RAB36: variants seen among roughly 807,000 people sequenced by gnomAD.
RAB36 encodes the protein RAB36, member RAS oncogene family.
Under a neutral mutation model 39.3 loss-of-function variants are expected in RAB36, and 33 were observed. The ratio of observed to expected loss-of-function variants is 0.84; its 90% CI spans 0.64 to 1.12. RAB36 has a LOEUF of 1.12. RAB36 is among the 50% of genes most tolerant of loss of function. The pLI, the probability that RAB36 is intolerant of heterozygous loss-of-function variation, is 0.00. For missense variants in RAB36, 308 were observed against 355.3 expected (o/e 0.87, Z 1.07); for synonymous variants, 133 against 140.2 (o/e 0.95, Z 0.36).
Position 23,162,748 on chromosome 22 carries a change from C to G in RAB36, c.*1184C>G, listed in dbSNP as rs1334509820. ...CTTCCCGTAGATGGCGAGCACCTTG[C>G]AGGCAGCCTTCTGATCAGTACTGCT... is the stretch of plus-strand genomic sequence containing the variant. On this transcript the variant is annotated 3_prime_UTR_variant, in exon 11 of 11. Coordinates refer to ENST00000263116, the MANE Select transcript of RAB36 (RefSeq NM_004914.5). The G allele has an allele frequency of 2.2e-6, 1 of 456,302 alleles. No individual in the cohort carries two copies. Among genetic ancestry groups the G allele is most frequent in the Admixed American group, 2.3e-5 (1 of 42,584 alleles). 28.3% of individuals were successfully genotyped at this position (456,302 alleles called of 1,614,324 possible).
rs1171135605 is a variant in RAB36, at chr22:23,162,282, A to T, written c.*718A>T. The T allele has an allele frequency of 1.7e-5, 4 of 240,204 alleles. No homozygotes were observed. Among genetic ancestry groups the T allele is most frequent in the Non-Finnish European group, 3.3e-5 (4 of 120,262 alleles). 14.9% of individuals were successfully genotyped at this position (240,204 alleles called of 1,614,324 possible). A position where few individuals can be genotyped will look rare whatever the true frequency, so the allele number is the denominator to read the frequency against. ...CTGGTCCGTGGGCCAGGATGTGCAG[A>T]ACAACCACTCAGGCCTTTCTGGCCC... On this transcript the variant is annotated 3_prime_UTR_variant, in exon 11 of 11. Transcript: ENST00000263116.
chr22:23,162,497 C>G lies in RAB36; in HGVS notation c.*933C>G, dbSNP rs1370596358. On this transcript the variant is annotated 3_prime_UTR_variant, in exon 11 of 11. Coordinates refer to ENST00000263116, the MANE Select transcript of RAB36 (RefSeq NM_004914.5). ...CTCTTAGGACCTTTGTAATGGTGTC[C>G]ATGCACCTTTAGAGGACTTCAGAGG... The G allele has an allele frequency of 5.1e-6, 2 of 395,206 alleles. No individual in the cohort carries two copies. Among genetic ancestry groups the G allele is most frequent in the Non-Finnish European group, 1.0e-5 (2 of 192,398 alleles). The allele number at this position is 395,206 out of a possible 1,614,324, so 24.5% of individuals were successfully genotyped here. A position where few individuals can be genotyped will look rare whatever the true frequency, so the allele number is the denominator to read the frequency against.
At chr22:23,146,423 G>A (rs1373936151) in intron 1 of RAB36, among the ~76,000 whole-genome samples, 182 bp from the exon 2 acceptor site, 1 of 151,840 alleles carries the variant, frequency 6.6e-6, no homozygotes, top group Admixed American at 6.6e-5. Context: ...TGTTGCCCAG[G>A]CTGGTCTCAA....
downstream of RAB36, among the ~76,000 whole-genome samples, chr22:23,167,529 T>A (rs2072071612): frequency 1.3e-5 from 2 of 152,050 alleles, no homozygotes; most frequent in Admixed American, 6.5e-5. Context: ...CGACTCACAT[T>A]TCAGCCTGGG....
In RAB36 at chr22:23,151,075, G is replaced by A. The variant is rs78140898; in HGVS notation, c.161+921G>A. Among the ~76,000 whole-genome samples the A allele has an allele frequency of 1.5e-3, 228 of 152,388 alleles. 4 individuals are homozygous for A. The highest frequency in any genetic ancestry group is 2.7e-3 in the Non-Finnish European group (183 of 68,038). On this transcript the variant is annotated intron_variant, in intron 3 of 10. Coordinates refer to ENST00000263116, the MANE Select transcript of RAB36 (RefSeq NM_004914.5). ...TCCTAAGGAGCTCATAGTCTGCTCA[G>A]GGAGTTGGCTGAGCTCACAGGGGTC...
At chr22:23,152,376 A>G in intron 3 of RAB36, 85 bp from the exon 4 acceptor site, 1 of 1,365,698 alleles carries the variant, frequency 7.3e-7, no homozygotes, top group Non-Finnish European at 1.0e-6. Context: ...TCACCAGCAG[A>G]GAGCTCAGGG....
chr22:23,145,848 G>C (rs2070740081), intron 1 of RAB36: 1 of 434,876 alleles, frequency 2.3e-6, no homozygotes, highest in Admixed American at 6.4e-5. Flanking sequence ...AGGGGCTGTT[G>C]AGGAGGCTCG....
At chr22:23,168,020 A>T (rs1022389782), downstream of RAB36, among the ~76,000 whole-genome samples, 5 of 150,072 alleles carry the variant, frequency 3.3e-5, no homozygotes, top group African/African-American at 4.9e-5. Context: ...CTAATTTTTA[A>T]TTTTTTTTTT....
intron 3 of RAB36, among the ~76,000 whole-genome samples, chr22:23,151,740 G>A (rs781042274): frequency 6.6e-6 from 1 of 152,172 alleles, no homozygotes; most frequent in Non-Finnish European, 1.5e-5. Flanking sequence ...TAAACAGTCC[G>A]AGAAACGCCT....
intron 1 of RAB36, 31 bp from the exon 2 acceptor site, chr22:23,146,574 T>C: frequency 1.9e-6 from 3 of 1,610,856 alleles, no homozygotes; most frequent in Non-Finnish European, 8.5e-7. Flanking sequence ...GCACAGCTCC[T>C]TAACTGTCTT....
intron 8 of RAB36, 77 bp from the exon 9 acceptor site, chr22:23,159,086 G>T (rs2071626441): frequency 6.3e-7 from 1 of 1,582,866 alleles, no homozygotes. Flanking sequence ...ACAGTGGGAA[G>T]CAGGCAGCTG....
At chr22:23,147,080 T>C (rs1285548483) in intron 2 of RAB36, among the ~76,000 whole-genome samples, 1 of 152,212 alleles carries the variant, frequency 6.6e-6, no homozygotes, top group Admixed American at 6.5e-5. Context: ...GCAGTCATAG[T>C]TGCTGTTGTT....
At chr22:23,152,985 C>T in intron 4 of RAB36, 48 bp from the exon 5 acceptor site, 2 of 1,334,936 alleles carry the variant, frequency 1.5e-6, no homozygotes, top group Non-Finnish European at 2.2e-6. Context: ...AGCTTCCGGG[C>T]ACATTTCTGT....
chr22:23,165,287 A>AACTT lies in RAB36; in HGVS notation c.*3726_*3729dup, dbSNP rs1382871176. On this transcript the variant is annotated 3_prime_UTR_variant, in exon 11 of 11. Coordinates refer to ENST00000263116, the MANE Select transcript of RAB36 (RefSeq NM_004914.5). ...CTCTGACCCAGATGCCACCACACGA[A>AACTT]ACTTACACCTGCCTGGGGAACAATC... Among the ~76,000 whole-genome samples the AACTT allele has an allele frequency of 6.6e-6, 1 of 152,178 alleles. No individual in the cohort carries two copies. The highest frequency in any genetic ancestry group is 1.5e-5 in the Non-Finnish European group (1 of 68,016).
At chr22:23,152,584 T>G in intron 4 of RAB36, 58 bp downstream of exon 4, 1 of 1,529,100 alleles carries the variant, frequency 6.5e-7, no homozygotes, top group Non-Finnish European at 9.1e-7. Context: ...TGTCATACCT[T>G]TGCCTGGGTG....
chr22:23,167,156 T>C (rs1569227485), downstream of RAB36, among the ~76,000 whole-genome samples: 1 of 152,102 alleles, frequency 6.6e-6, no homozygotes, highest in Non-Finnish European at 1.5e-5. Context: ...AGTGGGAATC[T>C]GCTGCAGGTG....
At chr22:23,149,450 C>T (rs1238666742) in intron 2 of RAB36, among the ~76,000 whole-genome samples, 4 of 152,168 alleles carry the variant, frequency 2.6e-5, no homozygotes, top group African/African-American at 4.8e-5. Flanking sequence ...GTCTGCCTTC[C>T]AAGAAACGTG....
At position 23,146,652 on chromosome 22, in the gene RAB36, G is replaced by C; in HGVS notation, c.36G>C (p.Val12=). ...CCCTGACACCTTTGGGGCCCCCTGT[G>C]AGCCGCGACCGTGTCATCGCCAGCT... is the stretch of plus-strand genomic sequence containing the variant. ...RSSLTPLGPP[V]SRDRVIASFP... is the part of the protein sequence containing the mutation. The change falls in exon 2 of 11, where the codon GTG becomes GTC. Residue 12 remains valine, a synonymous_variant. Transcript: ENST00000263116. 1 of 1,614,070 alleles carries C rather than the reference G, an allele frequency of 6.2e-7. No homozygotes were observed. The highest frequency in any genetic ancestry group is 8.5e-7 in the Non-Finnish European group (1 of 1,179,984).
chr22:23,167,458 C>A (rs1450885257), downstream of RAB36, among the ~76,000 whole-genome samples: 16 of 152,280 alleles, frequency 1.1e-4, no homozygotes, highest in Admixed American at 1.0e-3. Flanking sequence ...CTGCCTGCCT[C>A]CCCCTCCTCC....
Sources: allele counts gnomAD v4.1 joint callset (sites outside exome capture counted in the v4.1 genomes callset), GRCh38; gene constraint gnomAD v4.1.1; transcripts MANE v1.5; gene names NCBI Gene and HGNC (gene_info 2026-07-23, HGNC 2026-07-21).